Variants in BTBD9 observed in about 807,000 individuals in gnomAD.
BTBD9 encodes the protein BTB/POZ domain-containing protein 9.
BTBD9 carries 49 observed loss-of-function variants against 64.3 expected under a neutral mutation model. The ratio of observed to expected loss-of-function variants is 0.76; its 90% CI spans 0.61 to 0.97. BTBD9 has a LOEUF of 0.97. Among genes scored for constraint, BTBD9 ranks in the 50% least tolerant of loss-of-function variants. BTBD9 has a pLI of 0.00. For synonymous variants in BTBD9, 260 were observed against 274.7 expected, an observed-to-expected ratio of 0.95 and a Z score of 0.53; for missense variants, 598 against 762.1, an observed-to-expected ratio of 0.78 and a Z score of 2.53.
intron 6 of BTBD9, chr6:38,402,910 T>A (rs1328151266): frequency 1.6e-5 from 11 of 681,738 alleles, no homozygotes; most frequent in Admixed American, 4.4e-5. Context: ...TCCACTAAAA[T>A]TAGAAAAAAA....
intron 1 of BTBD9, among the ~76,000 whole-genome samples, chr6:38,638,370 G>C (rs1778602277): frequency 6.6e-6 from 1 of 152,224 alleles, no homozygotes; most frequent in Non-Finnish European, 1.5e-5. Context: ...ATACTGGGCA[G>C]AGGGAGGCAC....
chr6:38,272,421 G>A (rs914105949), intron 8 of BTBD9, among the ~76,000 whole-genome samples: 1 of 152,116 alleles, frequency 6.6e-6, no homozygotes. Flanking sequence ...CATTTTACAA[G>A]ATAGCTGGCC....
intron 6 of BTBD9, among the ~76,000 whole-genome samples, chr6:38,445,443 C>T (rs759808474): frequency 6.6e-6 from 1 of 152,148 alleles, no homozygotes; most frequent in Admixed American, 6.5e-5. Context: ...AGTGACCAAC[C>T]AACCAGTGGT....
chr6:38,232,951 T>G (rs903403500), intron 9 of BTBD9, among the ~76,000 whole-genome samples: 1 of 152,200 alleles, frequency 6.6e-6, no homozygotes, highest in Non-Finnish European at 1.5e-5. Flanking sequence ...CTTTCCAGAA[T>G]CCACCCACTG....
chr6:38,192,407 T>C, intron 10 of BTBD9, 112 bp downstream of exon 10: 2 of 947,588 alleles, frequency 2.1e-6, no homozygotes, highest in Non-Finnish European at 3.3e-6. Flanking sequence ...CCAAGCTGTC[T>C]GAATAGCAGG....
intron 8 of BTBD9, among the ~76,000 whole-genome samples, chr6:38,285,517 G>C (rs934781056): frequency 6.6e-6 from 1 of 152,094 alleles, no homozygotes; most frequent in African/African-American, 2.4e-5. Flanking sequence ...AGATGGTGGC[G>C]GTGGTGGGGA....
chr6:38,586,680 G>A (rs1257792640), intron 4 of BTBD9, among the ~76,000 whole-genome samples: 1 of 152,168 alleles, frequency 6.6e-6, no homozygotes, highest in Admixed American at 6.5e-5. Context: ...CAAGTCGTCA[G>A]CCCAGGAACA....
At chr6:38,497,314 A>G (rs1410978469) in intron 6 of BTBD9, among the ~76,000 whole-genome samples, 2 of 152,130 alleles carry the variant, frequency 1.3e-5, no homozygotes, top group Non-Finnish European at 2.9e-5. Flanking sequence ...GCTGTATACG[A>G]TCTAGTATTA....
intron 6 of BTBD9, among the ~76,000 whole-genome samples, chr6:38,421,881 T>C (rs927678382): frequency 1.3e-5 from 2 of 152,166 alleles, no homozygotes; most frequent in Admixed American, 6.5e-5. Flanking sequence ...TGCAGAAAAC[T>C]TGGCAAAAAA....
At chr6:38,228,734 C>G (rs34641393) in intron 9 of BTBD9, among the ~76,000 whole-genome samples, 1 of 150,572 alleles carries the variant, frequency 6.6e-6, no homozygotes, top group African/African-American at 2.5e-5. Flanking sequence ...ATTAGCCAGG[C>G]GTGGTGGCAT....
At chr6:38,560,913 C>T (rs76608011) in intron 6 of BTBD9, among the ~76,000 whole-genome samples, 1 of 152,160 alleles carries the variant, frequency 6.6e-6, no homozygotes. Flanking sequence ...GACATGATCT[C>T]GCTCTATTTT....
intron 6 of BTBD9, among the ~76,000 whole-genome samples, chr6:38,507,555 G>A (rs1772582801): frequency 6.6e-6 from 1 of 152,124 alleles, no homozygotes; most frequent in Non-Finnish European, 1.5e-5. Flanking sequence ...AAAGCAAATG[G>A]AAATGTCTTA....
intron 6 of BTBD9, among the ~76,000 whole-genome samples, chr6:38,418,072 T>A (rs536198202): frequency 3.3e-5 from 5 of 152,068 alleles, no homozygotes; most frequent in Non-Finnish European, 7.4e-5. Flanking sequence ...CTTTTTTCTA[T>A]CATCATTTAT....
At chr6:38,483,802 G>A (rs1204636723) in intron 6 of BTBD9, among the ~76,000 whole-genome samples, 8 of 152,136 alleles carry the variant, frequency 5.3e-5, no homozygotes. Context: ...CCAACTTCTT[G>A]TAATTCAAGT....
chr6:38,606,400 T>C (rs554377608), intron 1 of BTBD9, among the ~76,000 whole-genome samples: 1 of 152,218 alleles, frequency 6.6e-6, no homozygotes, highest in South Asian at 2.1e-4. Flanking sequence ...GAAGATAATA[T>C]AACATTGTCA....
At chr6:38,344,106 T>C (rs1426424600) in intron 7 of BTBD9, among the ~76,000 whole-genome samples, 1 of 152,136 alleles carries the variant, frequency 6.6e-6, no homozygotes, top group African/African-American at 2.4e-5. Flanking sequence ...TGAAGTCCCT[T>C]CTCAAAGCAA....
chr6:38,387,764 T>C (rs1165397558), intron 6 of BTBD9, among the ~76,000 whole-genome samples: 2 of 152,058 alleles, frequency 1.3e-5, no homozygotes, highest in Non-Finnish European at 2.9e-5. Flanking sequence ...AATCTGCCAA[T>C]AGATAAATTC....
chr6:38,499,888 G>A (rs12206905), intron 6 of BTBD9, among the ~76,000 whole-genome samples: 35,332 of 152,128 alleles, frequency 0.23, 5,204 homozygotes, highest in Non-Finnish European at 0.34. Flanking sequence ...CTGTCAGAGC[G>A]CTGAATAAGT....
chr6:38,337,394 T>C (rs962789843), intron 7 of BTBD9, among the ~76,000 whole-genome samples: 20 of 152,248 alleles, frequency 1.3e-4, no homozygotes, highest in Admixed American at 1.2e-3. Flanking sequence ...GTAGTAACCA[T>C]AGACAACCTA....
Sources: gnomAD v4.1 joint callset for allele counts (sites outside exome capture counted in the v4.1 genomes callset) on GRCh38, gnomAD v4.1.1 for gene constraint, MANE v1.5 for transcripts, NCBI Gene and HGNC (gene_info 2026-07-23, HGNC 2026-07-21) for gene names.